The following NOTCH2 variants were observed in gnomAD, a reference collection of about 807,000 sequenced individuals.
The protein encoded by NOTCH2 is notch receptor 2.
A neutral mutation model predicts 235.8 loss-of-function variants in NOTCH2; 29 were observed. That is an observed-to-expected ratio of 0.12 (90% CI 0.09 to 0.17). NOTCH2 has a LOEUF of 0.17. Among genes scored for constraint, NOTCH2 ranks in the 10% least tolerant of loss-of-function variants. NOTCH2 has a pLI of 1.00. For missense variants in NOTCH2, 2,285 were observed against 3,150.2 expected, an observed-to-expected ratio of 0.73 and a Z score of 6.57; for synonymous variants, 1,086 against 1,141.5, an observed-to-expected ratio of 0.95 and a Z score of 0.98.
chr1:119,995,988 A>G (rs1261086196), intron 4 of NOTCH2: 2 of 152,598 alleles, frequency 1.3e-5, no homozygotes, highest in Non-Finnish European at 2.9e-5. Flanking sequence ...AGTAACTAGA[A>G]CAACTTCTTT....
chr1:120,041,976 G>A (rs1226982205), intron 1 of NOTCH2, among the ~76,000 whole-genome samples: 1 of 146,850 alleles, frequency 6.8e-6, no homozygotes, highest in Non-Finnish European at 1.5e-5. Flanking sequence ...GAAAGGAAAG[G>A]AAAGAAAAGG....
chr1:120,005,447 C>T lies in NOTCH2; in HGVS notation c.297G>A (p.Glu99=). 2 of 1,613,964 alleles carry T rather than the reference C, an allele frequency of 1.2e-6. No homozygotes were observed. Among genetic ancestry groups the T allele is most frequent in the Non-Finnish European group, 1.7e-6 (2 of 1,179,862 alleles). ...GATGAGATGTTGAGTACTGGCAGTC[C>T]TCTCCTGTAAACCCTGAGGCACATC... ...TCRCASGFTG[E]DCQYSTSHPC... is the part of the protein sequence containing the mutation. The change falls in exon 3 of 34, where the codon GAG becomes GAA. Residue 99 remains glutamate (E), a synonymous_variant. Coordinates refer to ENST00000256646, the MANE Select transcript of NOTCH2 (RefSeq NM_024408.4).
At chr1:120,007,614 C>T (rs1217884429) in intron 2 of NOTCH2, among the ~76,000 whole-genome samples, 10 of 151,186 alleles carry the variant, frequency 6.6e-5, no homozygotes, top group Middle Eastern at 3.2e-3. Flanking sequence ...TGCTTGAACC[C>T]GGGAGGCGGA....
intron 22 of NOTCH2, among the ~76,000 whole-genome samples, chr1:119,931,696 G>C (rs1553195140): frequency 6.6e-6 from 1 of 151,878 alleles, no homozygotes; most frequent in African/African-American, 2.4e-5. Flanking sequence ...TCAATAAATT[G>C]TGTATTAACA....
intron 3 of NOTCH2, among the ~76,000 whole-genome samples, chr1:119,999,708 G>A (rs1473489604): frequency 6.6e-6 from 1 of 151,992 alleles, no homozygotes; most frequent in Non-Finnish European, 1.5e-5. Context: ...ATGGTGAAAT[G>A]CCATCTTTTC....
At chr1:119,943,294 C>T (rs1251808407) in intron 17 of NOTCH2, among the ~76,000 whole-genome samples, 2 of 152,096 alleles carry the variant, frequency 1.3e-5, no homozygotes, top group African/African-American at 4.8e-5. Flanking sequence ...ATACAAGTAA[C>T]TAAGGATCGG....
chr1:119,989,308 T>C (rs1652140548), intron 4 of NOTCH2, among the ~76,000 whole-genome samples: 1 of 152,128 alleles, frequency 6.6e-6, no homozygotes, highest in African/African-American at 2.4e-5. Flanking sequence ...AGAATCAAGT[T>C]AGACTCCCTC....
At chr1:120,027,054 C>T (rs1247030203) in intron 2 of NOTCH2, among the ~76,000 whole-genome samples, 9 of 143,824 alleles carry the variant, frequency 6.3e-5, no homozygotes, top group African/African-American at 2.3e-4. Flanking sequence ...TGGGTTCAGG[C>T]CATTCTCCTG....
intron 2 of NOTCH2, among the ~76,000 whole-genome samples, chr1:120,026,681 TC>T (rs1264475898): frequency 2.0e-5 from 2 of 101,730 alleles, no homozygotes; most frequent in African/African-American, 3.6e-5. Flanking sequence ...TTTTTCTTTG[TC>T]CACTTATGTT....
intron 1 of NOTCH2, among the ~76,000 whole-genome samples, chr1:120,040,965 C>T (rs587766790): frequency 1.3e-3 from 176 of 138,062 alleles, no homozygotes; most frequent in African/African-American, 4.5e-3. Context: ...GGAATGAACC[C>T]GGGAGGCGGA....
At chr1:120,065,773 A>G (rs1553216977) in intron 1 of NOTCH2, among the ~76,000 whole-genome samples, 2 of 152,356 alleles carry the variant, frequency 1.3e-5, no homozygotes. Flanking sequence ...AGAAAGGGGG[A>G]GAAACAAAAA....
intron 1 of NOTCH2, among the ~76,000 whole-genome samples, chr1:120,041,752 T>TG (rs1355786239): frequency 1.5e-5 from 2 of 135,958 alleles, no homozygotes; most frequent in Middle Eastern, 3.6e-3. Context: ...AATTTTAAAA[T>TG]GGGGGGTAAG....
Position 119,968,186 on chromosome 1 carries a change from G to A in NOTCH2, c.1155C>T (p.His385=). 6.2e-7 allele frequency: 1 copy of A among 1,614,002 alleles called. No homozygotes were observed. The highest frequency in any genetic ancestry group is 8.5e-7 in the Non-Finnish European group (1 of 1,179,928). ...LDDACISNPC[H]KGALCDTNPL... ...GGTTGGTGTCACACAGTGCCCCCTT[G>A]TGGCAAGGATTGCTGATGCATGCAT... Residue 385 remains histidine (H), a synonymous_variant, in exon 7 of 34, where the codon CAC becomes CAT. Transcript: ENST00000256646.
intron 14 of NOTCH2, among the ~76,000 whole-genome samples, chr1:119,952,812 T>G (rs1650532843): frequency 6.6e-6 from 1 of 152,220 alleles, no homozygotes; most frequent in Non-Finnish European, 1.5e-5. Context: ...AATATCTCAA[T>G]GTGTTAAAAA....
At position 119,916,011 on chromosome 1, in the gene NOTCH2, A is replaced by G. The variant is rs369394477; in HGVS notation, c.6711T>C (p.Ser2237=). ...HHHIVSPGSG[S]AGSLSRLHPV... is the part of the protein sequence containing the mutation. ...GATGGAGCCTACTCAAGCTTCCAGC[A>G]CTGCCACTGCCTGGAGACACAATGT... Residue 2237 remains serine, a synonymous_variant, in exon 34 of 34, where the codon AGT becomes AGC. Coordinates refer to ENST00000256646, the MANE Select transcript of NOTCH2 (RefSeq NM_024408.4). The G allele has an allele frequency of 3.1e-5, 50 of 1,613,728 alleles. No homozygotes were observed. The highest frequency in any genetic ancestry group is 4.1e-5 in the Non-Finnish European group (48 of 1,180,044).
intron 1 of NOTCH2, among the ~76,000 whole-genome samples, chr1:120,034,920 G>A (rs1456135946): frequency 6.6e-6 from 1 of 152,228 alleles, no homozygotes. Context: ...AGAGGCCAGG[G>A]AGGCAGGCTG....
rs587705141 is a variant in NOTCH2 at position 119,964,314 on chromosome 1, A to G, written c.1682-507T>C. Reference sequence around the variant, plus strand: ...AATACTGGTTGAATAAAATGAATGAACCTGTTATGAGAATTTAAAAGAAAA... The same window carrying G: ...AATACTGGTTGAATAAAATGAATGAGCCTGTTATGAGAATTTAAAAGAAAA... On this transcript the variant is annotated intron_variant, in intron 10 of 33. Coordinates refer to ENST00000256646, the MANE Select transcript of NOTCH2 (RefSeq NM_024408.4). 2.0e-5 allele frequency among the ~76,000 whole-genome samples: 3 copies of G among 152,240 alleles called. No individual in the cohort carries two copies. In the East Asian group the frequency reaches 5.8e-4, roughly 29 times the overall value.
At chr1:119,924,285 CAA>C (rs1160685076) in intron 25 of NOTCH2, among the ~76,000 whole-genome samples, 1 of 152,180 alleles carries the variant, frequency 6.6e-6, no homozygotes, top group Non-Finnish European at 1.5e-5. Context: ...ATATCTGAAA[CAA>C]AAGTCAACCT....
intron 1 of NOTCH2, among the ~76,000 whole-genome samples, chr1:120,037,623 G>A (rs1412169811): frequency 4.0e-5 from 6 of 151,474 alleles, no homozygotes; most frequent in Admixed American, 2.0e-4. Flanking sequence ...AAATAAAAAC[G>A]AAGTGGAGAA....
Sources: gnomAD v4.1 joint callset for allele counts (sites outside exome capture counted in the v4.1 genomes callset) on GRCh38, gnomAD v4.1.1 for gene constraint, MANE v1.5 for transcripts, NCBI Gene and HGNC (gene_info 2026-07-23, HGNC 2026-07-21) for gene names.